Variants in VPS54 observed in about 807,000 individuals in gnomAD.
The protein encoded by VPS54 is VPS54 subunit of GARP complex, also known as vacuolar protein sorting-associated protein 54.
VPS54 carries 45 observed loss-of-function variants against 121.5 expected under a neutral mutation model. The ratio of observed to expected loss-of-function variants is 0.37; its 90% CI spans 0.29 to 0.47. The LOEUF (loss-of-function observed/expected upper bound fraction) is 0.47, where lower values mean the gene tolerates loss of function less well. Among genes scored for constraint, VPS54 ranks in the 20% least tolerant of loss-of-function variants. The pLI is 0.99. For missense variants in VPS54, 1,090 were observed against 1,131.4 expected (o/e 0.96, Z 0.52); for synonymous variants, 371 against 385.8 (o/e 0.96, Z 0.45).
chr2:63,983,078 C>T (rs887534106), intron 2 of VPS54, among the ~76,000 whole-genome samples: 1 of 152,008 alleles, frequency 6.6e-6, no homozygotes, highest in Non-Finnish European at 1.5e-5. Flanking sequence ...TCATTTTCAA[C>T]ACTTTTTCAG....
rs140024519 is a variant in VPS54 at position 63,972,183 on chromosome 2, G to T, written c.440C>A (p.Thr147Asn). 1.8e-5 allele frequency: 29 copies of T among 1,585,678 alleles called. No homozygotes were observed. The highest frequency in any genetic ancestry group is 2.4e-5 in the Non-Finnish European group (28 of 1,160,828). The change falls in exon 4 of 23, where the codon ACT becomes AAT. Residue 147 changes from threonine (T) to asparagine (N), a missense_variant. By Grantham distance (65) the Thr-to-Asn change is moderately conservative. Transcript: ENST00000272322. ...ICPPKDTFER[T>N]LLHTHDKSRT... ...ATTCATACCATGAGTATGTAAAAGA[G>T]TCCTTTCGAAGGTATCTTTAGGAGG...
intron 1 of VPS54, among the ~76,000 whole-genome samples, chr2:63,992,439 C>T (rs982346267): frequency 6.6e-6 from 1 of 152,192 alleles, no homozygotes; most frequent in Non-Finnish European, 1.5e-5. Flanking sequence ...GATTACTAAA[C>T]CCCTCCCAAT....
intron 6 of VPS54, among the ~76,000 whole-genome samples, chr2:63,964,450 T>C (rs975463251): frequency 4.6e-5 from 7 of 152,148 alleles, no homozygotes; most frequent in East Asian, 1.9e-4. Flanking sequence ...CCTGTATACA[T>C]TGATGAGACT....
intron 17 of VPS54, 80 bp downstream of exon 17, chr2:63,914,102 T>C (rs1221242934): frequency 8.2e-7 from 1 of 1,212,398 alleles, no homozygotes; most frequent in Non-Finnish European, 1.2e-6. Context: ...CCTTGAAATG[T>C]CTTTGAGTTA....
In VPS54 at chr2:63,962,318, C is replaced by A; in HGVS notation, c.750G>T (p.Gln250His). The A allele has an allele frequency of 6.2e-7, 1 of 1,613,944 alleles. No homozygotes were observed. The highest frequency in any genetic ancestry group is 8.5e-7 in the Non-Finnish European group (1 of 1,179,924). The change falls in exon 7 of 23, where the codon CAG (glutamine) becomes CAT (histidine). Residue 250 changes from glutamine to histidine, a missense_variant. Gln to His is a conservative substitution (Grantham distance 24). Coordinates refer to ENST00000272322, the MANE Select transcript of VPS54 (RefSeq NM_016516.3). ...TTTTATCTCGAAGCATTTTTACAGC[C>A]TGGGAAGTTTTCCTGAGGTAGTCCT... is the stretch of plus-strand genomic sequence containing the variant. Reference protein sequence around the residue: ...ELQDYLRKTSQAVKMLRDKIA... With the variant: ...ELQDYLRKTSHAVKMLRDKIA...
At chr2:63,901,891 T>G (rs1672693484) in intron 20 of VPS54, among the ~76,000 whole-genome samples, 1 of 152,156 alleles carries the variant, frequency 6.6e-6, no homozygotes, top group Non-Finnish European at 1.5e-5. Flanking sequence ...GGTGCATGCC[T>G]GTAATCCTAG....
intron 2 of VPS54, 45 bp from the exon 3 acceptor site, chr2:63,981,932 G>A: frequency 6.4e-7 from 1 of 1,560,854 alleles, no homozygotes; most frequent in Middle Eastern, 1.8e-4. Context: ...TGTAAAATTG[G>A]TTCTATGTTT....
At position 63,912,591 on chromosome 2, in the gene VPS54, T is replaced by C. The variant is rs746701021; in HGVS notation, c.2493A>G (p.Arg831=). The change falls in exon 19 of 23, where the codon CGA becomes CGG. Residue 831 remains arginine, a synonymous_variant. Coordinates refer to ENST00000272322, the MANE Select transcript of VPS54 (RefSeq NM_016516.3). Reference sequence around the variant, plus strand: ...GCATGCTATATTGCTTAGGTGGTAGTCGAGCTTCAAAATGAGCCCGGATCA... The same window carrying C: ...GCATGCTATATTGCTTAGGTGGTAGCCGAGCTTCAAAATGAGCCCGGATCA... The part of the protein sequence containing the change: ...IPVIRAHFEA[R]LPPKQYSMLR... 1.5e-5 allele frequency: 24 copies of C among 1,597,046 alleles called. 1 individual carries two copies. In the East Asian group the frequency reaches 4.9e-4, roughly 33 times the overall value.
At chr2:63,932,652 TAA>T (rs770433517) in intron 12 of VPS54, among the ~76,000 whole-genome samples, 1 of 126,722 alleles carries the variant, frequency 7.9e-6, no homozygotes, top group African/African-American at 2.9e-5. Context: ...ACTTAAAGTA[TAA>T]AAAAAAAAAA....
intron 20 of VPS54, 44 bp downstream of exon 20, chr2:63,912,301 A>G (rs1255361836): frequency 1.4e-6 from 2 of 1,475,226 alleles, no homozygotes; most frequent in Non-Finnish European, 9.3e-7. Flanking sequence ...ATAGAAAATC[A>G]TAATGTCTTT....
intron 11 of VPS54, among the ~76,000 whole-genome samples, chr2:63,940,337 C>T (rs1361387813): frequency 1.3e-5 from 2 of 152,130 alleles, no homozygotes; most frequent in Non-Finnish European, 2.9e-5. Flanking sequence ...TTCATGTCAT[C>T]TGTAAAGATG....
At chr2:63,925,932 G>A (rs915969763) in intron 12 of VPS54, among the ~76,000 whole-genome samples, 3 of 152,204 alleles carry the variant, frequency 2.0e-5, no homozygotes, top group East Asian at 1.9e-4. Flanking sequence ...TAATTGAGCT[G>A]AGCACTTTAT....
At chr2:63,937,469 C>A (rs1674504371) in intron 11 of VPS54, among the ~76,000 whole-genome samples, 1 of 152,144 alleles carries the variant, frequency 6.6e-6, no homozygotes, top group Non-Finnish European at 1.5e-5. Context: ...ATTAGGATGG[C>A]TAGTCTCACA....
rs528311140 is a variant in VPS54, at chr2:63,994,659, T to A, written c.-20-10640A>T. 2.0e-5 allele frequency among the ~76,000 whole-genome samples: 3 copies of A among 152,284 alleles called. No homozygotes were observed. The East Asian group carries it at 5.8e-4, about 29-fold the overall frequency. ...ATCAGCTACAGAGAAACCAGGACAT[T>A]TGGTCTCCAGCCTCTCCCTTTCTCC... On this transcript the variant is annotated intron_variant, in intron 1 of 22. Coordinates refer to ENST00000272322, the MANE Select transcript of VPS54 (RefSeq NM_016516.3).
Position 63,912,408 on chromosome 2 carries a change from T to C in VPS54, c.2562A>G (p.Ile854Met). ...CTACAAGCTTAGCTGATATTTCAGC[T>C]ATGTGATCATGGTAGTCCTGCAATG... is the stretch of plus-strand genomic sequence containing the variant. ...DHITKDYHDH[I>M]AEISAKLVAI... The change falls in exon 20 of 23, where the codon ATA becomes ATG. Residue 854 changes from isoleucine (I) to methionine (M), a missense_variant. By Grantham distance (10) the Ile-to-Met change is conservative. This residue lies in a region of VPS54 where 289 missense variants were observed against 374.4 expected (regional missense o/e 0.77). Transcript: ENST00000272322. The C allele has an allele frequency of 1.9e-6, 3 of 1,612,662 alleles. No homozygotes were observed. Among genetic ancestry groups the C allele is most frequent in the Non-Finnish European group, 2.5e-6 (3 of 1,179,042 alleles).
At chr2:63,897,040 A>AGCATAG (rs1330005426) in intron 22 of VPS54, among the ~76,000 whole-genome samples, 7 of 152,208 alleles carry the variant, frequency 4.6e-5, no homozygotes, top group Admixed American at 2.6e-4. Flanking sequence ...ACAGTAATAT[A>AGCATAG]TACAATCTTT....
intron 11 of VPS54, among the ~76,000 whole-genome samples, chr2:63,940,089 G>A (rs915707251): frequency 2.6e-5 from 4 of 151,998 alleles, no homozygotes; most frequent in Non-Finnish European, 5.9e-5. Context: ...ATATCATAAT[G>A]TATGTATTTT....
chr2:63,988,721 C>T (rs544889957), intron 1 of VPS54, among the ~76,000 whole-genome samples: 10 of 152,182 alleles, frequency 6.6e-5, no homozygotes, highest in African/African-American at 1.4e-4. Context: ...TATGTCACCT[C>T]GGGACCCTGT....
chr2:63,987,853 C>T (rs1397308514), intron 1 of VPS54, among the ~76,000 whole-genome samples: 4 of 152,150 alleles, frequency 2.6e-5, no homozygotes, highest in Non-Finnish European at 5.9e-5. Flanking sequence ...GTAAATGATA[C>T]TGATTTTTGT....
Sources: allele counts gnomAD v4.1 joint callset (sites outside exome capture counted in the v4.1 genomes callset), GRCh38; gene constraint gnomAD v4.1.1; regional missense constraint gnomAD v4.1.1; transcripts MANE v1.5; gene names NCBI Gene and HGNC (gene_info 2026-07-23, HGNC 2026-07-21).